The following DCT variants were observed in gnomAD, a reference collection of about 807,000 sequenced individuals.
The protein encoded by DCT is dopachrome tautomerase, also known as L-dopachrome tautomerase.
A neutral mutation model predicts 53.0 loss-of-function variants in DCT; 47 were observed. The ratio of observed to expected loss-of-function variants is 0.89; its 90% CI spans 0.70 to 1.13. DCT has a LOEUF of 1.13. Ranked by LOEUF, DCT falls within the 50% of genes most tolerant of loss-of-function variation. DCT has a pLI of 0.00. For synonymous variants in DCT, 244 were observed against 237.0 expected (o/e 1.03, Z -0.27); for missense variants, 669 against 637.4 (o/e 1.05, Z -0.53).
intron 6 of DCT, among the ~76,000 whole-genome samples, chr13:94,446,983 T>C (rs768973773): frequency 3.9e-5 from 6 of 152,208 alleles, no homozygotes; most frequent in Non-Finnish European, 5.9e-5. Flanking sequence ...TCTGAGTTAT[T>C]AGCTATTAGG....
chr13:94,516,696 G>C, the DCT span, among the ~76,000 whole-genome samples: 1 of 152,068 alleles, frequency 6.6e-6, no homozygotes, highest in South Asian at 2.1e-4. Context: ...GGCTTTATTA[G>C]AAGAGGAACA....
At chr13:94,459,053 G>GTT (rs61157944) in intron 6 of DCT, among the ~76,000 whole-genome samples, 1 of 151,516 alleles carries the variant, frequency 6.6e-6, no homozygotes, top group Admixed American at 6.6e-5. Flanking sequence ...ATTTGTAAAG[G>GTT]TTTTTGGTAG....
Position 94,437,015 on chromosome 13 carries a change from C to T in DCT, c.*2883G>A, listed in dbSNP as rs1881948653. On this transcript the variant is annotated 3_prime_UTR_variant, in exon 8 of 8. Coordinates refer to ENST00000377028, the MANE Select transcript of DCT (RefSeq NM_001922.5). ...CCTGGTCAGTCACTTGAAGCAGCCA[C>T]CTGCTTCCACCCCAGGATTAGTCAC... 3 of 148,458 alleles carry T rather than the reference C, an allele frequency of 2.0e-5. No homozygotes were observed. The South Asian group carries it at 6.5e-4, about 32-fold the overall frequency. The allele number at this position is 148,458 out of a possible 1,614,324, so 9.2% of individuals were successfully genotyped here.
At chr13:94,526,899 A>T in the DCT span, among the ~76,000 whole-genome samples, 2 of 152,000 alleles carry the variant, frequency 1.3e-5, no homozygotes, top group African/African-American at 4.8e-5. Context: ...GTACCTGGAG[A>T]AACAGTACAC....
the DCT span, among the ~76,000 whole-genome samples, chr13:94,538,236 C>T: frequency 6.6e-6 from 1 of 152,250 alleles, no homozygotes. Flanking sequence ...TGCCTGACTA[C>T]ATGCCAAGCA....
the DCT span, among the ~76,000 whole-genome samples, chr13:94,498,115 T>A: frequency 1.2e-4 from 18 of 152,260 alleles, no homozygotes; most frequent in East Asian, 2.9e-3. Context: ...GGGAACAATC[T>A]TGGATGAGTG....
At chr13:94,503,555 C>A in the DCT span, among the ~76,000 whole-genome samples, 2 of 152,034 alleles carry the variant, frequency 1.3e-5, no homozygotes, top group African/African-American at 4.8e-5. Context: ...CCTCATAAGA[C>A]AAAGGCCTCA....
At chr13:94,482,080 C>G (rs1293092137), upstream of DCT, among the ~76,000 whole-genome samples, 2 of 152,208 alleles carry the variant, frequency 1.3e-5, no homozygotes, top group Non-Finnish European at 2.9e-5. Flanking sequence ...GGATAACATT[C>G]AGGCATACGA....
the DCT span, among the ~76,000 whole-genome samples, chr13:94,531,865 G>A: frequency 6.6e-6 from 1 of 152,080 alleles, no homozygotes. Flanking sequence ...CCTACAGAAT[G>A]GGAGAAAATC....
chr13:94,508,541 G>A, the DCT span, among the ~76,000 whole-genome samples: 1 of 152,190 alleles, frequency 6.6e-6, no homozygotes, highest in African/African-American at 2.4e-5. Flanking sequence ...TGTCTGAAGA[G>A]TCTCAACCTT....
chr13:94,479,892 C>T (rs969712244), upstream of DCT, among the ~76,000 whole-genome samples: 4 of 152,176 alleles, frequency 2.6e-5, no homozygotes, highest in African/African-American at 9.7e-5. Flanking sequence ...TATCTGGGCT[C>T]ATGTGCTCCA....
chr13:94,459,673 G>C (rs180820638), intron 6 of DCT, among the ~76,000 whole-genome samples: 4 of 152,296 alleles, frequency 2.6e-5, no homozygotes, highest in Non-Finnish European at 5.9e-5. Flanking sequence ...GTTGGAGTAG[G>C]AGGTTTAAGT....
intron 6 of DCT, among the ~76,000 whole-genome samples, chr13:94,452,066 C>T (rs764497287): frequency 1.3e-5 from 2 of 151,748 alleles, no homozygotes; most frequent in African/African-American, 2.4e-5. Context: ...GAGTTTCGCT[C>T]TTGTCACCCA....
chr13:94,445,433 T>C (rs1386188189), intron 6 of DCT, among the ~76,000 whole-genome samples: 1 of 151,980 alleles, frequency 6.6e-6, no homozygotes, highest in East Asian at 1.9e-4. Flanking sequence ...TCATATAGAG[T>C]GACCATGATG....
At chr13:94,490,524 A>AAAAAAAAAAAAAAAAC in the DCT span, among the ~76,000 whole-genome samples, 1 of 148,440 alleles carries the variant, frequency 6.7e-6, no homozygotes, top group Non-Finnish European at 1.5e-5. Flanking sequence ...AAAAAAAAAA[A>AAAAAAAAAAAAAAAAC]AAAAAAACAA....
intron 6 of DCT, among the ~76,000 whole-genome samples, chr13:94,450,741 G>A (rs1025126538): frequency 3.9e-5 from 6 of 152,140 alleles, no homozygotes; most frequent in African/African-American, 1.4e-4. Context: ...ATCATAAGTT[G>A]ACATTACGGA....
At chr13:94,516,170 G>A in the DCT span, among the ~76,000 whole-genome samples, 1 of 151,518 alleles carries the variant, frequency 6.6e-6, no homozygotes, top group African/African-American at 2.4e-5. Context: ...ATATGGAAGA[G>A]GTGGCATATG....
Position 94,460,197 on chromosome 13 carries a change from T to C in DCT, c.1073A>G (p.Asp358Gly). The change falls in exon 6 of 8, where the codon GAT (aspartate) becomes GGT (glycine). Residue 358 changes from aspartate (D) to glycine (G), a missense_variant. Physicochemically the swap from Asp to Gly is moderately conservative, Grantham distance 94. Transcript: ENST00000377028. Reference sequence around the variant, plus strand: ...CATCACTTGAGAATCCAGAGTCCCATCTGCTTTATCAAACCCTTCCAAAGC... The same window carrying C: ...CATCACTTGAGAATCCAGAGTCCCACCTGCTTTATCAAACCCTTCCAAAGC... ...RNALEGFDKA[D>G]GTLDSQVMSL... 3.1e-6 allele frequency: 5 copies of C among 1,613,982 alleles called. No individual in the cohort carries two copies. The highest frequency in any genetic ancestry group is 3.4e-6 in the Non-Finnish European group (4 of 1,179,854).
chr13:94,518,108 G>GGGAAGGAAGGAAGGAAGGAA, the DCT span, among the ~76,000 whole-genome samples: 3 of 125,172 alleles, frequency 2.4e-5, no homozygotes, highest in African/African-American at 9.8e-5. Context: ...GGGAAACGAA[G>GGGAAGGAAGGAAGGAAGGAA]GGAAGGAAGG....
Sources: gnomAD v4.1 joint callset for allele counts (sites outside exome capture counted in the v4.1 genomes callset) on GRCh38, gnomAD v4.1.1 for gene constraint, MANE v1.5 for transcripts, NCBI Gene and HGNC (gene_info 2026-07-23, HGNC 2026-07-21) for gene names.